PLCL2: variants seen among roughly 807,000 people sequenced by gnomAD.
The protein encoded by PLCL2 is inactive phospholipase C-like protein 2.
In PLCL2, 4 loss-of-function variants were observed where a neutral mutation model predicts 79.6. The observed-to-expected ratio is 0.05, with a 90% CI of 0.02 to 0.11. PLCL2 has a LOEUF of 0.11. PLCL2 is among the 10% of genes least tolerant of loss of function. The pLI, the probability that PLCL2 is intolerant of heterozygous loss-of-function variation, is 1.00. For synonymous variants in PLCL2, 484 were observed against 457.7 expected, an observed-to-expected ratio of 1.06 and a Z score of -0.73; for missense variants, 895 against 1,291.0, an observed-to-expected ratio of 0.69 and a Z score of 4.70.
At chr3:17,048,098 T>TC (rs2064800319) in intron 4 of PLCL2, among the ~76,000 whole-genome samples, 1 of 151,562 alleles carries the variant, frequency 6.6e-6, no homozygotes, top group African/African-American at 2.4e-5. Flanking sequence ...TTTTTTTTTT[T>TC]CAAACTCCTC....
chr3:16,903,345 A>G (rs907931104), intron 1 of PLCL2, among the ~76,000 whole-genome samples: 8 of 152,198 alleles, frequency 5.3e-5, no homozygotes, highest in Admixed American at 5.2e-4. Context: ...GGTAGGATGC[A>G]TTGATACTAT....
chr3:17,033,617 C>G (rs1317985975), intron 3 of PLCL2, among the ~76,000 whole-genome samples: 1 of 152,136 alleles, frequency 6.6e-6, no homozygotes, highest in East Asian at 1.9e-4. Context: ...CCTCAAACAT[C>G]CACCATATTC....
At chr3:16,998,620 A>G (rs2064177446) in intron 1 of PLCL2, among the ~76,000 whole-genome samples, 1 of 152,220 alleles carries the variant, frequency 6.6e-6, no homozygotes, top group Admixed American at 6.5e-5. Context: ...GTTTTTCACT[A>G]CTGGAGAAAA....
chr3:17,031,812 A>C (rs1182635688), intron 3 of PLCL2, among the ~76,000 whole-genome samples: 1 of 152,318 alleles, frequency 6.6e-6, no homozygotes, highest in East Asian at 1.9e-4. Flanking sequence ...GCATAGCATA[A>C]TAAATTACCA....
chr3:17,080,615 T>TA (rs1373736356), intron 5 of PLCL2, among the ~76,000 whole-genome samples: 9 of 152,166 alleles, frequency 5.9e-5, no homozygotes, highest in Non-Finnish European at 1.0e-4. Context: ...CATGCCTGGC[T>TA]AATTTTTGTA....
chr3:16,963,545 T>C (rs548202637), intron 1 of PLCL2, among the ~76,000 whole-genome samples: 5 of 152,298 alleles, frequency 3.3e-5, no homozygotes, highest in East Asian at 3.9e-4. Flanking sequence ...ATAGCATTTA[T>C]GACTTTAGAT....
At chr3:16,943,389 C>T (rs968129492) in intron 1 of PLCL2, among the ~76,000 whole-genome samples, 1 of 152,200 alleles carries the variant, frequency 6.6e-6, no homozygotes, top group Non-Finnish European at 1.5e-5. Context: ...CCCAAGAAGA[C>T]TTGAGTGCCA....
chr3:16,956,488 C>A (rs2063706813), intron 1 of PLCL2, among the ~76,000 whole-genome samples: 1 of 152,132 alleles, frequency 6.6e-6, no homozygotes, highest in South Asian at 2.1e-4. Context: ...GTCTAAAATT[C>A]TCTTTTTTTG....
chr3:17,000,691 CTG>C (rs2064200300), intron 1 of PLCL2, among the ~76,000 whole-genome samples: 1 of 152,034 alleles, frequency 6.6e-6, no homozygotes, highest in African/African-American at 2.4e-5. Flanking sequence ...ATTCGTCTTT[CTG>C]TGTCTGATTT....
chr3:17,040,324 C>T (rs949755326), intron 3 of PLCL2, among the ~76,000 whole-genome samples: 2 of 152,102 alleles, frequency 1.3e-5, no homozygotes, highest in Non-Finnish European at 2.9e-5. Flanking sequence ...TCAGCCTTAA[C>T]GTATATTTTA....
At chr3:17,050,084 A>G (rs1475341464) in intron 4 of PLCL2, among the ~76,000 whole-genome samples, 2 of 152,192 alleles carry the variant, frequency 1.3e-5, no homozygotes, top group African/African-American at 4.8e-5. Context: ...AGTGGGGAAA[A>G]CACAGTGTCT....
intron 1 of PLCL2, among the ~76,000 whole-genome samples, chr3:16,974,184 G>C (rs1426193651): frequency 6.6e-6 from 1 of 152,118 alleles, no homozygotes; most frequent in East Asian, 1.9e-4. Context: ...GGGACTTGTG[G>C]GCCATCTTAA....
intron 4 of PLCL2, among the ~76,000 whole-genome samples, chr3:17,045,096 A>G (rs1395893733): frequency 6.6e-6 from 1 of 152,168 alleles, no homozygotes; most frequent in Admixed American, 6.5e-5. Flanking sequence ...CATGTTTACA[A>G]TTATGGTAAG....
chr3:17,082,591 A>G (rs142096756), intron 5 of PLCL2, among the ~76,000 whole-genome samples: 86 of 152,258 alleles, frequency 5.6e-4, no homozygotes, highest in African/African-American at 2.0e-3. Flanking sequence ...TCGCCTTGGT[A>G]ATGTCCAAAG....
intron 5 of PLCL2, among the ~76,000 whole-genome samples, chr3:17,080,488 T>A (rs2065151792): frequency 6.6e-6 from 1 of 152,158 alleles, no homozygotes; most frequent in African/African-American, 2.4e-5. Context: ...TCTTTCTCTG[T>A]CCCCCAGGCT....
chr3:17,056,827 AAGG>A (rs1486647276), intron 4 of PLCL2, among the ~76,000 whole-genome samples: 1 of 152,192 alleles, frequency 6.6e-6, no homozygotes, highest in Non-Finnish European at 1.5e-5. Flanking sequence ...AATTTGAAGA[AAGG>A]AGCAGTCTCA....
chr3:16,926,685 G>A (rs1001842829), intron 1 of PLCL2, among the ~76,000 whole-genome samples: 3 of 151,236 alleles, frequency 2.0e-5, no homozygotes, highest in African/African-American at 7.3e-5. Context: ...ACGCTGGAGT[G>A]CAGTGGTGCA....
rs577229748 is a variant in PLCL2, at chr3:17,054,825, CA to C, written c.3094+11877del. 1.4e-3 allele frequency among the ~76,000 whole-genome samples: 214 copies of C among 152,260 alleles called. 1 individual carries two copies. The highest frequency in any genetic ancestry group is 5.0e-3 in the African/African-American group (208 of 41,542). ...CAGAATGTTTCTCAGCTCTGTTTTA[CA>C]GAAGTGAAAGGTTCTTTCCTGGGAA... On this transcript the variant is annotated intron_variant, in intron 4 of 5. Transcript: ENST00000615277.
chr3:17,044,201 A>C (rs1163565325), intron 4 of PLCL2: 1 of 152,376 alleles, frequency 6.6e-6, no homozygotes, highest in Non-Finnish European at 1.5e-5. Context: ...GATGGGAGGC[A>C]GTTGGCAATA....
Sources: allele counts gnomAD v4.1 joint callset (sites outside exome capture counted in the v4.1 genomes callset), GRCh38; gene constraint gnomAD v4.1.1; transcripts MANE v1.5; gene names NCBI Gene and HGNC (gene_info 2026-07-23, HGNC 2026-07-21).